Variants in RTL4 observed in about 807,000 individuals in gnomAD.
RTL4 encodes the protein retrotransposon Gag-like protein 4.
Under a neutral mutation model 5.3 loss-of-function variants are expected in RTL4, and 4 were observed. That is an observed-to-expected ratio of 0.75 (90% CI 0.37 to 1.72). The LOEUF is 1.72. RTL4 is among the 40% of genes most tolerant of loss of function. The pLI is 0.04. For missense variants in RTL4, 260 were observed against 227.1 expected (o/e 1.14, Z -0.93); for synonymous variants, 98 against 87.3 (o/e 1.12, Z -0.68).
At chrX:112,178,625 C>G in the RTL4 span, among the ~76,000 whole-genome samples, 1 of 111,504 alleles carries the variant, frequency 9.0e-6, no homozygotes, top group Admixed American at 9.6e-5. Flanking sequence ...ATTTCCCATC[C>G]TCATCTCTTC....
the RTL4 span, among the ~76,000 whole-genome samples, chrX:112,183,493 A>T: frequency 8.9e-6 from 1 of 112,312 alleles, no homozygotes; most frequent in Admixed American, 9.4e-5. Flanking sequence ...GAAAGCAAAA[A>T]AAAAGCAGGG....
At chrX:112,096,609 C>T in the RTL4 span, among the ~76,000 whole-genome samples, 11 of 110,977 alleles carry the variant, frequency 9.9e-5, no homozygotes, top group South Asian at 3.8e-4. Flanking sequence ...AATGACCCAA[C>T]AGGAGCTTCA....
the RTL4 span, among the ~76,000 whole-genome samples, chrX:112,166,388 C>T: frequency 3.6e-5 from 4 of 111,681 alleles, no homozygotes; most frequent in Non-Finnish European, 7.5e-5. Context: ...AGTCAGTGAG[C>T]TCAGATGAAT....
chrX:112,304,086 G>A, the RTL4 span, among the ~76,000 whole-genome samples: 5 of 110,774 alleles, frequency 4.5e-5, no homozygotes, highest in African/African-American at 1.6e-4. Flanking sequence ...TTCTTGAAGT[G>A]AAGGACCTGG....
chrX:112,412,114 CAAAATT>C, the RTL4 span, among the ~76,000 whole-genome samples: 1 of 110,675 alleles, frequency 9.0e-6, no homozygotes, highest in Non-Finnish European at 1.9e-5. Flanking sequence ...TAGCTACAAA[CAAAATT>C]AAATACTAGG....
chrX:112,190,193 T>TTTC, the RTL4 span, among the ~76,000 whole-genome samples: 30 of 103,050 alleles, frequency 2.9e-4, no homozygotes, highest in Non-Finnish European at 5.6e-4. Flanking sequence ...TCTTTCTTTC[T>TTTC]TTCTTTCTTT....
At chrX:112,416,327 T>C in the RTL4 span, among the ~76,000 whole-genome samples, 2 of 111,910 alleles carry the variant, frequency 1.8e-5, no homozygotes, top group Admixed American at 1.9e-4. Context: ...GACTTCAATA[T>C]AGCTTTCTGG....
the RTL4 span, among the ~76,000 whole-genome samples, chrX:112,084,685 CT>C: frequency 9.0e-6 from 1 of 111,067 alleles, no homozygotes; most frequent in Non-Finnish European, 1.9e-5. Flanking sequence ...GGGCATTTCC[CT>C]TTTTTTAGCC....
the RTL4 span, among the ~76,000 whole-genome samples, chrX:112,235,424 C>T: frequency 2.6e-3 from 289 of 111,244 alleles, no homozygotes; most frequent in African/African-American, 8.7e-3. Flanking sequence ...TTTATAATAG[C>T]CATGTTCCTT....
chrX:112,148,987 C>T, the RTL4 span, among the ~76,000 whole-genome samples: 3 of 111,481 alleles, frequency 2.7e-5, no homozygotes, highest in Non-Finnish European at 5.6e-5. Context: ...AAGGCAGTCT[C>T]CTATCCCTCA....
At chrX:112,414,402 T>C in the RTL4 span, among the ~76,000 whole-genome samples, 4 of 111,726 alleles carry the variant, frequency 3.6e-5, no homozygotes, top group Non-Finnish European at 7.6e-5. Context: ...AGAAAGGCCT[T>C]TCCATTTCAA....
the RTL4 span, among the ~76,000 whole-genome samples, chrX:112,307,691 C>T: frequency 8.9e-6 from 1 of 111,817 alleles, no homozygotes. Context: ...GTTGTTTCCA[C>T]ATTTAACTTT....
the RTL4 span, among the ~76,000 whole-genome samples, chrX:112,199,014 C>T: frequency 7.2e-5 from 8 of 110,916 alleles, no homozygotes; most frequent in South Asian, 1.5e-3. Flanking sequence ...AGCAGGCTGG[C>T]GCGGTGGCTC....
chrX:112,239,528 C>T, the RTL4 span, among the ~76,000 whole-genome samples: 1 of 111,329 alleles, frequency 9.0e-6, no homozygotes, highest in Non-Finnish European at 1.9e-5. Context: ...ATTTCCAACA[C>T]ACATGGCAGC....
the RTL4 span, among the ~76,000 whole-genome samples, chrX:112,317,749 A>G: frequency 1.3e-3 from 146 of 112,087 alleles, no homozygotes; most frequent in Middle Eastern, 0.018. Flanking sequence ...TTTTACATCC[A>G]TCTTATAAAT....
the RTL4 span, among the ~76,000 whole-genome samples, chrX:112,151,859 C>T: frequency 1.8e-5 from 2 of 111,896 alleles, no homozygotes; most frequent in Non-Finnish European, 3.8e-5. Flanking sequence ...ATGTTGACAG[C>T]CATGCATGTT....
At chrX:112,341,641 A>G in the RTL4 span, among the ~76,000 whole-genome samples, 5 of 112,047 alleles carry the variant, frequency 4.5e-5, no homozygotes, top group Non-Finnish European at 7.5e-5. Context: ...GACTGGAAGA[A>G]GTTATTAACA....
the RTL4 span, among the ~76,000 whole-genome samples, chrX:112,419,863 A>T: frequency 9.2e-6 from 1 of 109,008 alleles, no homozygotes; most frequent in Non-Finnish European, 1.9e-5. Context: ...CTTCTGGCAA[A>T]GGAAAATCAT....
the RTL4 span, among the ~76,000 whole-genome samples, chrX:112,102,648 C>A: frequency 9.0e-6 from 1 of 111,124 alleles, no homozygotes; most frequent in Non-Finnish European, 1.9e-5. Flanking sequence ...AAAAGAAAAG[C>A]ACAACCTGCA....
Sources: allele counts gnomAD v4.1 joint callset (sites outside exome capture counted in the v4.1 genomes callset), GRCh38; gene constraint gnomAD v4.1.1; transcripts MANE v1.5; gene names NCBI Gene and HGNC (gene_info 2026-07-23, HGNC 2026-07-21).